Variants in PPIP5K2 observed in about 807,000 individuals in gnomAD.
PPIP5K2 encodes the protein diphosphoinositol pentakisphosphate kinase 2, also known as inositol hexakisphosphate and diphosphoinositol-pentakisphosphate kinase 2.
In PPIP5K2, 105 loss-of-function variants were observed where a neutral mutation model predicts 154.6. The ratio of observed to expected loss-of-function variants is 0.68; its 90% CI spans 0.58 to 0.80. PPIP5K2 has a LOEUF of 0.80. PPIP5K2 is among the 30% of genes least tolerant of loss of function. PPIP5K2 has a pLI of 0.00. For missense variants in PPIP5K2, 992 were observed against 1,504.6 expected (o/e 0.66, Z 5.64); for synonymous variants, 480 against 490.3 (o/e 0.98, Z 0.28).
chr5:103,183,468 G>A, intron 25 of PPIP5K2, 61 bp downstream of exon 25: 1 of 1,404,048 alleles, frequency 7.1e-7, no homozygotes, highest in Non-Finnish European at 9.9e-7. Context: ...ACAAACAGCT[G>A]TCTTTGAGGA....
At chr5:103,149,988 C>A (rs1403153966) in intron 8 of PPIP5K2, among the ~76,000 whole-genome samples, 2 of 152,030 alleles carry the variant, frequency 1.3e-5, no homozygotes, top group East Asian at 3.9e-4. Flanking sequence ...AGCCACTGCA[C>A]CCGGCCAAAA....
At chr5:103,149,899 G>A (rs540458799) in intron 8 of PPIP5K2, among the ~76,000 whole-genome samples, 7 of 151,966 alleles carry the variant, frequency 4.6e-5, no homozygotes, top group South Asian at 4.2e-4. Flanking sequence ...GTTTCTCCAC[G>A]TTGGCCAGGC....
At position 103,159,871 on chromosome 5, in the gene PPIP5K2, A is replaced by G. The variant is rs531747598; in HGVS notation, c.1920+543A>G. 2.5e-3 allele frequency among the ~76,000 whole-genome samples: 382 copies of G among 152,262 alleles called. 3 individuals carry two copies. In the South Asian group the frequency reaches 0.026, roughly 10 times the overall value. On this transcript the variant is annotated intron_variant, in intron 17 of 30. Transcript: ENST00000358359. Reference sequence around the variant, plus strand: ...CCATGTTGTACAATAGAGCTCCTGAACTTATTCCTTCTGTCCAACTGAAAT... The same window carrying G: ...CCATGTTGTACAATAGAGCTCCTGAGCTTATTCCTTCTGTCCAACTGAAAT...
intron 17 of PPIP5K2, among the ~76,000 whole-genome samples, chr5:103,164,425 C>T (rs914035275): frequency 1.3e-4 from 20 of 151,866 alleles, no homozygotes; most frequent in Admixed American, 1.1e-3. Flanking sequence ...TTCTGATTCT[C>T]GAAATTAATA....
chr5:103,143,746 T>C (rs1793251522), intron 5 of PPIP5K2, among the ~76,000 whole-genome samples: 1 of 152,128 alleles, frequency 6.6e-6, no homozygotes, highest in Admixed American at 6.6e-5. Flanking sequence ...CCCTTCATGA[T>C]AAAATCTCTC....
At chr5:103,121,950 A>G (rs1788819912) in intron 1 of PPIP5K2, among the ~76,000 whole-genome samples, 1 of 152,198 alleles carries the variant, frequency 6.6e-6, no homozygotes, top group South Asian at 2.1e-4. Context: ...AATGTTATGG[A>G]CTATTAATTT....
intron 15 of PPIP5K2, 42 bp from the exon 16 acceptor site, chr5:103,158,410 A>G (rs374513646): frequency 5.5e-4 from 870 of 1,591,124 alleles, no homozygotes; most frequent in Non-Finnish European, 6.2e-4. Flanking sequence ...AAATACAATG[A>G]AATGAAAATA....
chr5:103,141,938 T>TC, intron 5 of PPIP5K2, among the ~76,000 whole-genome samples: 1 of 152,276 alleles, frequency 6.6e-6, no homozygotes, highest in East Asian at 1.9e-4. Flanking sequence ...ACTCTCCACC[T>TC]CCCCACCAGA....
chr5:103,136,099 G>A (rs1791455673), intron 3 of PPIP5K2: 1 of 150,494 alleles, frequency 6.6e-6, no homozygotes, highest in Non-Finnish European at 1.5e-5. Context: ...AGCCTCCTAA[G>A]TATCTGGGAT....
At chr5:103,159,479 T>C in intron 17 of PPIP5K2, 151 bp downstream of exon 17, 1 of 718,604 alleles carries the variant, frequency 1.4e-6, no homozygotes, top group Non-Finnish European at 2.0e-6. Context: ...TTGGAACAAC[T>C]TTGGCTTCTG....
At chr5:103,177,839 G>C in intron 22 of PPIP5K2, 25 bp from the exon 23 acceptor site, 1 of 1,601,914 alleles carries the variant, frequency 6.2e-7, no homozygotes, top group South Asian at 1.1e-5. Context: ...TTCTCATTTT[G>C]AAAATGTTCT....
At chr5:103,178,550 G>A (rs1554221712) in intron 23 of PPIP5K2, among the ~76,000 whole-genome samples, 1 of 151,246 alleles carries the variant, frequency 6.6e-6, no homozygotes, top group Non-Finnish European at 1.5e-5. Context: ...TGTTCTTAAA[G>A]ATTATGTTAA....
At chr5:103,171,060 T>A (rs1371968619) in intron 19 of PPIP5K2, among the ~76,000 whole-genome samples, 2 of 151,484 alleles carry the variant, frequency 1.3e-5, no homozygotes, top group Non-Finnish European at 3.0e-5. Context: ...ATTGATTAAT[T>A]TTTATGTCTG....
intron 4 of PPIP5K2, among the ~76,000 whole-genome samples, chr5:103,137,164 T>G (rs1398383150): frequency 8.0e-6 from 1 of 125,180 alleles, no homozygotes; most frequent in African/African-American, 3.2e-5. Context: ...TATAACTAGA[T>G]TTTTTTTTTT....
chr5:103,136,027 A>T (rs1347288227), intron 3 of PPIP5K2: 4 of 144,434 alleles, frequency 2.8e-5, no homozygotes, highest in African/African-American at 1.1e-4. Flanking sequence ...GCTGGAGTAC[A>T]ATGGCACGAT....
chr5:103,157,887 G>C (rs555575833), intron 14 of PPIP5K2, among the ~76,000 whole-genome samples: 8 of 152,264 alleles, frequency 5.3e-5, no homozygotes, highest in Middle Eastern at 3.4e-3. Flanking sequence ...ATTACTATGA[G>C]AGCAGGCAAG....
At chr5:103,158,050 A>T in intron 14 of PPIP5K2, 138 bp from the exon 15 acceptor site, 1 of 903,606 alleles carries the variant, frequency 1.1e-6, no homozygotes, top group Non-Finnish European at 1.7e-6. Context: ...ACATACATGC[A>T]ACAGCATTTA....
intron 8 of PPIP5K2, among the ~76,000 whole-genome samples, chr5:103,150,665 G>A (rs1354482242): frequency 2.0e-5 from 3 of 151,968 alleles, no homozygotes; most frequent in South Asian, 2.1e-4. Flanking sequence ...CAGCTACTGC[G>A]GTGGCTGGGG....
At chr5:103,172,374 A>T (rs1798099098) in intron 19 of PPIP5K2, among the ~76,000 whole-genome samples, 1 of 150,748 alleles carries the variant, frequency 6.6e-6, no homozygotes, top group South Asian at 2.1e-4. Flanking sequence ...ATTCCATGTG[A>T]ATCTTTCTGG....
Sources: gnomAD v4.1 joint callset for allele counts (sites outside exome capture counted in the v4.1 genomes callset) on GRCh38, gnomAD v4.1.1 for gene constraint, MANE v1.5 for transcripts, NCBI Gene and HGNC (gene_info 2026-07-23, HGNC 2026-07-21) for gene names.